Variants in ITPR2 observed in about 807,000 individuals in gnomAD.
The protein encoded by ITPR2 is inositol 1,4,5-trisphosphate receptor type 2.
Under a neutral mutation model 317.1 loss-of-function variants are expected in ITPR2, and 207 were observed. The observed-to-expected ratio is 0.65, with a 90% confidence interval of 0.58 to 0.73. ITPR2 has a LOEUF of 0.73. Among genes scored for constraint, ITPR2 ranks in the 30% least tolerant of loss-of-function variants. The probability of loss-of-function intolerance (pLI) is 0.00; values close to 1 mark genes in which losing one functional copy is unlikely to be tolerated. For missense variants in ITPR2, 2,613 were observed against 3,284.0 expected, an observed-to-expected ratio of 0.80 and a Z score of 4.99; for synonymous variants, 1,156 against 1,149.1, an observed-to-expected ratio of 1.01 and a Z score of -0.12.
chr12:26,713,257 T>G (rs1425747511), intron 8 of ITPR2, among the ~76,000 whole-genome samples: 1 of 152,180 alleles, frequency 6.6e-6, no homozygotes, highest in African/African-American at 2.4e-5. Context: ...TCCAATCATG[T>G]TGAACGTAAT....
chr12:26,556,185 C>A, intron 36 of ITPR2, 48 bp downstream of exon 36: 2 of 1,592,032 alleles, frequency 1.3e-6, no homozygotes, highest in Admixed American at 1.7e-5. Flanking sequence ...TGTTAGAGGC[C>A]ATGTCAGTTT....
intron 37 of ITPR2, among the ~76,000 whole-genome samples, chr12:26,538,046 G>T (rs1944147992): frequency 6.6e-6 from 1 of 152,234 alleles, no homozygotes; most frequent in Non-Finnish European, 1.5e-5. Context: ...TGGCAGCCAT[G>T]TGTGAAATTC....
intron 2 of ITPR2, among the ~76,000 whole-genome samples, chr12:26,760,575 T>G (rs1401216277): frequency 6.6e-6 from 1 of 152,186 alleles, no homozygotes; most frequent in East Asian, 1.9e-4. Flanking sequence ...AAGTAAGCCC[T>G]AATGCCCTAA....
intron 2 of ITPR2, among the ~76,000 whole-genome samples, chr12:26,773,981 ATT>A (rs34106132): frequency 0.27 from 24,796 of 90,840 alleles, 3,564 homozygotes; most frequent in East Asian, 0.66. Flanking sequence ...CAACTGGAGA[ATT>A]TTTTTTTTTT....
chr12:26,480,775 G>A (rs1221359304), intron 43 of ITPR2, among the ~76,000 whole-genome samples: 2 of 152,134 alleles, frequency 1.3e-5, no homozygotes, highest in African/African-American at 4.8e-5. Flanking sequence ...GGGAGGAGGA[G>A]GTTGCAGTGA....
rs1284707042 is a variant in ITPR2 at position 26,803,072 on chromosome 12, T to C, written c.93-12845A>G. 2.0e-5 allele frequency among the ~76,000 whole-genome samples: 3 copies of C among 152,326 alleles called. No individual in the cohort carries two copies. The East Asian group carries it at 5.8e-4, about 29-fold the overall frequency. On this transcript the variant is annotated intron_variant, in intron 1 of 56. Coordinates refer to ENST00000381340, the MANE Select transcript of ITPR2 (RefSeq NM_002223.4). ...TCTGTTTCTAAAATATAGCCTAAAT[T>C]TACAGTTTTGGCTTTTAAAAAACTA...
intron 34 of ITPR2, among the ~76,000 whole-genome samples, chr12:26,564,794 G>C (rs1362998171): frequency 6.6e-6 from 1 of 152,208 alleles, no homozygotes; most frequent in Non-Finnish European, 1.5e-5. Context: ...GAGAGAGCAT[G>C]GTACTGATGA....
chr12:26,432,215 T>C (rs1386163375), intron 48 of ITPR2, among the ~76,000 whole-genome samples: 1 of 148,902 alleles, frequency 6.7e-6, no homozygotes, highest in East Asian at 1.9e-4. Context: ...ACACATGGGA[T>C]TCAGTTGTCA....
intron 11 of ITPR2, among the ~76,000 whole-genome samples, chr12:26,685,539 G>C (rs760218760): frequency 7.9e-5 from 12 of 152,174 alleles, no homozygotes; most frequent in Non-Finnish European, 1.6e-4. Context: ...AGAGGATGCA[G>C]TGAGCCATGA....
chr12:26,491,794 ATGGAGTGCCAGTCAC>A (rs1198134587), intron 39 of ITPR2, among the ~76,000 whole-genome samples: 16 of 152,198 alleles, frequency 1.1e-4, no homozygotes, highest in Non-Finnish European at 1.9e-4. Context: ...AACTGGGTAG[ATGGAGTGCCAGTCAC>A]TGAGAGAGGC....
rs553438509 is a variant in ITPR2 at position 26,625,301 on chromosome 12, T to C, written c.3065-945A>G. ...AGTGACTATAGTCAATAATAATTTG[T>C]TGTACATTTTTTAATAACTAAATGA... On this transcript the variant is annotated intron_variant, in intron 23 of 56. Coordinates refer to ENST00000381340, the MANE Select transcript of ITPR2 (RefSeq NM_002223.4). 1.6e-4 allele frequency among the ~76,000 whole-genome samples: 24 copies of C among 152,226 alleles called. No individual in the cohort carries two copies. The South Asian group carries it at 4.8e-3, about 30-fold the overall frequency.
intron 13 of ITPR2, among the ~76,000 whole-genome samples, chr12:26,672,125 A>G (rs1947789286): frequency 6.6e-6 from 1 of 152,228 alleles, no homozygotes; most frequent in African/African-American, 2.4e-5. Flanking sequence ...CCCACTGTCA[A>G]CATTAGACAG....
At position 26,531,654 on chromosome 12, in the gene ITPR2, TACACAC is replaced by T. The variant is rs144906868; in HGVS notation, c.5073+18587_5073+18592del. Among the ~76,000 whole-genome samples, 440 of 138,746 alleles carry T rather than the reference TACACAC, an allele frequency of 3.2e-3. 1 individual carries two copies. Among genetic ancestry groups the T allele is most frequent in the Middle Eastern group, 0.019 (5 of 270 alleles). The allele number at this position is 138,746 out of a possible 152,430, so 91.0% of individuals were successfully genotyped here. A position where few individuals can be genotyped will look rare whatever the true frequency, so the allele number is the denominator to read the frequency against. ...TTCTAAGCTTCATGTTTACTGTATTTACACACACACACACACACACACACACACAAG... is the reference window on the plus strand; with the variant it reads ...TTCTAAGCTTCATGTTTACTGTATTTACACACACACACACACACACACAAG... On this transcript the variant is annotated intron_variant, in intron 37 of 56. Transcript: ENST00000381340.
In ITPR2 at chr12:26,439,219, G is replaced by C. The variant is rs184496919; in HGVS notation, c.6551C>G (p.Thr2184Ser). The change falls in exon 47 of 57, where the codon ACT becomes AGT. Residue 2184 changes from threonine (T) to serine (S), a missense_variant. Physicochemically the swap from Thr to Ser is moderately conservative, Grantham distance 58. Coordinates refer to ENST00000381340, the MANE Select transcript of ITPR2 (RefSeq NM_002223.4). ...TTTACTTCCTTGTTCATCCCTTTCAGTTGTATTGAACACACGGCACTTGGA... is the reference window on the plus strand; with the variant it reads ...TTTACTTCCTTGTTCATCCCTTTCACTTGTATTGAACACACGGCACTTGGA... The part of the protein sequence containing the change: ...RESKCRVFNT[T>S]ERDEQGSKVN... 917 of 1,612,140 alleles carry C rather than the reference G, an allele frequency of 5.7e-4. 9 individuals are homozygous for C. The Admixed American group carries it at 0.012, about 22-fold the overall frequency.
At chr12:26,567,937 G>A (rs1945017989) in intron 34 of ITPR2, among the ~76,000 whole-genome samples, 2 of 62,238 alleles carry the variant, frequency 3.2e-5, no homozygotes, top group Non-Finnish European at 6.3e-5. Flanking sequence ...AAAAATTCTG[G>A]TATATATATA....
At chr12:26,572,602 G>C (rs996452570) in intron 34 of ITPR2, among the ~76,000 whole-genome samples, 2 of 152,172 alleles carry the variant, frequency 1.3e-5, no homozygotes, top group Non-Finnish European at 2.9e-5. Flanking sequence ...CGTGGGGTTG[G>C]ATCCCACCAA....
At chr12:26,541,743 AG>A (rs1466237289) in intron 37 of ITPR2, among the ~76,000 whole-genome samples, 1 of 152,242 alleles carries the variant, frequency 6.6e-6, no homozygotes, top group Admixed American at 6.5e-5. Flanking sequence ...TATTTGATGT[AG>A]GAGTTAAGTT....
chr12:26,705,168 C>A (rs1013944302), intron 9 of ITPR2, among the ~76,000 whole-genome samples: 1 of 152,126 alleles, frequency 6.6e-6, no homozygotes, highest in Non-Finnish European at 1.5e-5. Flanking sequence ...CTCTGCTTCC[C>A]CTTTTCACAG....
intron 45 of ITPR2, among the ~76,000 whole-genome samples, chr12:26,451,592 C>T (rs754216574): frequency 1.3e-5 from 2 of 151,964 alleles, no homozygotes; most frequent in Admixed American, 6.6e-5. Flanking sequence ...TTATTATTTC[C>T]TTTATAATGG....
Sources: gnomAD v4.1 joint callset for allele counts (sites outside exome capture counted in the v4.1 genomes callset) on GRCh38, gnomAD v4.1.1 for gene constraint, MANE v1.5 for transcripts, NCBI Gene and HGNC (gene_info 2026-07-23, HGNC 2026-07-21) for gene names.